Variants in TMEM170A observed in about 807,000 individuals in gnomAD.
TMEM170A encodes the protein transmembrane protein 170A.
TMEM170A carries 18 observed loss-of-function variants against 12.8 expected under a neutral mutation model. The ratio of observed to expected loss-of-function variants is 1.41; its 90% CI spans 0.97 to 2.09. TMEM170A has a LOEUF of 2.09. TMEM170A is among the 30% of genes most tolerant of loss of function. The pLI is 0.00. For synonymous variants in TMEM170A, 107 were observed against 76.2 expected, an observed-to-expected ratio of 1.40 and a Z score of -2.11; for missense variants, 220 against 179.9, an observed-to-expected ratio of 1.22 and a Z score of -1.28.
chr16:75,447,265 G>C lies in TMEM170A; in HGVS notation c.*293C>G, dbSNP rs150016683. ...TTTCAGTGCAAAGGATGCCACCCCA[G>C]AGACACTGTTGACTTGGCTTGGGTA... On this transcript the variant is annotated 3_prime_UTR_variant, in exon 3 of 3. Coordinates refer to ENST00000561878, the MANE Select transcript of TMEM170A (RefSeq NM_145254.3). 1.9e-5 allele frequency: 4 copies of C among 213,606 alleles called. No individual in the cohort carries two copies. The East Asian group carries it at 4.1e-4, about 22-fold the overall frequency. 13.2% of individuals were successfully genotyped at this position (213,606 alleles called of 1,614,324 possible).
intron 1 of TMEM170A, among the ~76,000 whole-genome samples, chr16:75,462,978 ACT>A (rs2151653426): frequency 6.6e-6 from 1 of 152,154 alleles, no homozygotes; most frequent in East Asian, 1.9e-4. Context: ...CTATTGAATG[ACT>A]CGAGTTGAAA....
intron 2 of TMEM170A, among the ~76,000 whole-genome samples, chr16:75,450,180 C>CAAA (rs34044750): frequency 8.6e-6 from 1 of 116,276 alleles, no homozygotes; most frequent in Non-Finnish European, 1.8e-5. Context: ...CACTTTCTCT[C>CAAA]AAAAAAAAAA....
At chr16:75,455,355 T>TAAAAAAA (rs1488928799) in intron 1 of TMEM170A, among the ~76,000 whole-genome samples, 1 of 11,894 alleles carries the variant, frequency 8.4e-5, no homozygotes. Flanking sequence ...AGACACTGTC[T>TAAAAAAA]CAAAAAAAAA....
intron 1 of TMEM170A, 95 bp downstream of exon 1, chr16:75,464,373 C>T (rs2079960455): frequency 2.2e-6 from 3 of 1,378,754 alleles, no homozygotes; most frequent in Non-Finnish European, 2.8e-6. Context: ...CGCCAGCAGG[C>T]TGCGCACCCG....
intron 2 of TMEM170A, among the ~76,000 whole-genome samples, chr16:75,448,393 C>G (rs556153363): frequency 6.6e-6 from 1 of 152,192 alleles, no homozygotes; most frequent in African/African-American, 2.4e-5. Flanking sequence ...ATGCAGATAC[C>G]CATTTGAGTT....
chr16:75,461,662 G>A (rs2079910453), intron 1 of TMEM170A, among the ~76,000 whole-genome samples: 1 of 152,188 alleles, frequency 6.6e-6, no homozygotes, highest in African/African-American at 2.4e-5. Context: ...ATGAGACACA[G>A]CAGGGAGGTT....
chr16:75,445,162 A>G lies in TMEM170A; in HGVS notation c.*2396T>C, dbSNP rs867885261. On this transcript the variant is annotated 3_prime_UTR_variant, in exon 3 of 3. Transcript: ENST00000561878. ...TTTTGAAAATCACAGCTCTTTAAAC[A>G]AAAAACTAGAATTTTTACAATTTGC... 1 of 147,552 alleles carries G rather than the reference A, an allele frequency of 6.8e-6. No individual in the cohort carries two copies. Among genetic ancestry groups the G allele is most frequent in the African/African-American group, 2.7e-5 (1 of 37,098 alleles). The allele number at this position is 147,552 out of a possible 1,614,324, so 9.1% of individuals were successfully genotyped here.
intron 1 of TMEM170A, among the ~76,000 whole-genome samples, chr16:75,459,380 C>T (rs879454625): frequency 1.3e-5 from 2 of 152,200 alleles, no homozygotes; most frequent in Non-Finnish European, 2.9e-5. Context: ...CAACCTGGCC[C>T]CAAATGGCAG....
At position 75,464,551 on chromosome 16, in the gene TMEM170A, T is replaced by C. The variant is rs761076328; in HGVS notation, c.50A>G (p.Gln17Arg). 182 of 1,588,908 alleles carry C rather than the reference T, an allele frequency of 1.1e-4. No individual in the cohort carries two copies. The highest frequency in any genetic ancestry group is 1.5e-4 in the Non-Finnish European group (175 of 1,170,292). Residue 17 changes from glutamine to arginine, a missense_variant, in exon 1 of 3, where the codon CAG becomes CGG. Transcript: ENST00000561878. ...CACAACCTTCAGGCTCAGGATCTGC[T>C]GCAGGAGCCCGGCCGACCCGCCGCT... ...GGSGGSAGLL[Q>R]QILSLKVVPR...
At chr16:75,457,759 C>T (rs2079825500) in intron 1 of TMEM170A, among the ~76,000 whole-genome samples, 1 of 152,194 alleles carries the variant, frequency 6.6e-6, no homozygotes, top group Non-Finnish European at 1.5e-5. Context: ...CCGGCATACA[C>T]AGCAGGCCAA....
intron 1 of TMEM170A, among the ~76,000 whole-genome samples, chr16:75,455,678 G>A (rs992286202): frequency 2.0e-5 from 3 of 152,074 alleles, no homozygotes; most frequent in African/African-American, 7.2e-5. Context: ...GGTGGCAAAT[G>A]CCTGTAATCC....
chr16:75,452,021 G>C (rs934979528), intron 1 of TMEM170A, among the ~76,000 whole-genome samples, 182 bp from the exon 2 acceptor site: 2 of 151,816 alleles, frequency 1.3e-5, no homozygotes, highest in Admixed American at 6.6e-5. Flanking sequence ...ACCCAGGCTG[G>C]AGTACAGTGG....
chr16:75,464,447 C>A lies in TMEM170A; in HGVS notation c.133+21G>T, dbSNP rs776779294. 24 of 1,443,734 alleles carry A rather than the reference C, an allele frequency of 1.7e-5. No individual in the cohort carries two copies. In the East Asian group the frequency reaches 7.2e-4, roughly 43 times the overall value. 89.4% of individuals were successfully genotyped at this position (1,443,734 alleles called of 1,614,324 possible). On this transcript the variant is annotated intron_variant, in intron 1 of 2. Transcript: ENST00000561878. ...CGGCGACGGCGGGGCGCGCAGTGCG[C>A]AGGCGCGGGGCGGGCCGTACCTGGG...
At chr16:75,462,943 CAAGT>C (rs375779833) in intron 1 of TMEM170A, among the ~76,000 whole-genome samples, 79 of 152,232 alleles carry the variant, frequency 5.2e-4, no homozygotes, top group African/African-American at 1.8e-3. Context: ...AGGCATCAAG[CAAGT>C]GTTATGACTT....
chr16:75,455,313 C>T (rs188968261), intron 1 of TMEM170A, among the ~76,000 whole-genome samples: 59 of 142,318 alleles, frequency 4.1e-4, no homozygotes, highest in Middle Eastern at 8.1e-3. Flanking sequence ...GCCGAGATCA[C>T]GCCACTGCAC....
chr16:75,449,394 C>G (rs1379522077), intron 2 of TMEM170A, among the ~76,000 whole-genome samples: 1 of 151,096 alleles, frequency 6.6e-6, no homozygotes, highest in Non-Finnish European at 1.5e-5. Context: ...GTGGCATGAT[C>G]ATGGCTCCCT....
chr16:75,459,667 G>C (rs2079867290), intron 1 of TMEM170A, among the ~76,000 whole-genome samples: 1 of 152,056 alleles, frequency 6.6e-6, no homozygotes, highest in African/African-American at 2.4e-5. Context: ...GACCAGCCTG[G>C]CCAACACAGT....
intron 1 of TMEM170A, among the ~76,000 whole-genome samples, chr16:75,454,516 T>C (rs1462961142): frequency 1.3e-5 from 2 of 151,858 alleles, no homozygotes; most frequent in Non-Finnish European, 2.9e-5. Context: ...GCACCTGTAG[T>C]CCCAGCTACT....
intron 1 of TMEM170A, among the ~76,000 whole-genome samples, chr16:75,460,759 A>G (rs909154483): frequency 6.6e-6 from 1 of 152,338 alleles, no homozygotes; most frequent in Non-Finnish European, 1.5e-5. Context: ...TGGTGCCTAG[A>G]AAACAACAGG....
Sources: gnomAD v4.1 joint callset for allele counts (sites outside exome capture counted in the v4.1 genomes callset) on GRCh38, gnomAD v4.1.1 for gene constraint, MANE v1.5 for transcripts, NCBI Gene and HGNC (gene_info 2026-07-23, HGNC 2026-07-21) for gene names.